NR5A2: variants seen among roughly 807,000 people sequenced by gnomAD.
The protein encoded by NR5A2 is nuclear receptor subfamily 5 group A member 2, also known as CYP7A promoter-binding factor.
NR5A2 carries 26 observed loss-of-function variants against 62.7 expected under a neutral mutation model. The observed-to-expected ratio is 0.41, with a 90% CI of 0.30 to 0.58. The LOEUF is 0.58. Among genes scored for constraint, NR5A2 ranks in the 20% least tolerant of loss-of-function variants. The pLI is 0.22. For synonymous variants in NR5A2, 246 were observed against 241.7 expected, an observed-to-expected ratio of 1.02 and a Z score of -0.16; for missense variants, 541 against 669.1, an observed-to-expected ratio of 0.81 and a Z score of 2.11.
intron 7 of NR5A2, among the ~76,000 whole-genome samples, chr1:200,161,452 T>A (rs1316726579): frequency 6.6e-6 from 1 of 152,200 alleles, no homozygotes; most frequent in Non-Finnish European, 1.5e-5. Context: ...TCCCTAAGAA[T>A]TCTAGAATGC....
rs147866290 is a variant in NR5A2, at chr1:200,093,783, C to T, written c.1111-17419C>T. 2.1e-3 allele frequency among the ~76,000 whole-genome samples: 318 copies of T among 152,230 alleles called. 1 individual carries two copies. The highest frequency in any genetic ancestry group is 6.8e-3 in the African/African-American group (284 of 41,532). On this transcript the variant is annotated intron_variant, in intron 5 of 7. Coordinates refer to ENST00000367362, the MANE Select transcript of NR5A2 (RefSeq NM_205860.3). ...TTGCCTCGAGGAAGAGTTTGAAGCTCGAGTCTGAGGCAAGTATCTAGCCCA... is the reference window on the plus strand; with the variant it reads ...TTGCCTCGAGGAAGAGTTTGAAGCTTGAGTCTGAGGCAAGTATCTAGCCCA...
rs541577435 is a variant in NR5A2 at position 200,084,537 on chromosome 1, G to A, written c.1111-26665G>A. On this transcript the variant is annotated intron_variant, in intron 5 of 7. Transcript: ENST00000367362. ...GGTGTAAATCATCTGAATAAACAATGGATTTTCACACTTACTAGAATCTCT... is the reference window on the plus strand; with the variant it reads ...GGTGTAAATCATCTGAATAAACAATAGATTTTCACACTTACTAGAATCTCT... Among the ~76,000 whole-genome samples, 13 of 152,146 alleles carry A rather than the reference G, an allele frequency of 8.5e-5. No homozygotes were observed. In the South Asian group the frequency reaches 2.7e-3, roughly 32 times the overall value.
intron 2 of NR5A2, among the ~76,000 whole-genome samples, chr1:200,042,479 C>CT (rs1662149431): frequency 6.6e-6 from 1 of 152,230 alleles, no homozygotes; most frequent in African/African-American, 2.4e-5. Flanking sequence ...TTTCTCTTTC[C>CT]TTTTTGGTAA....
At chr1:200,117,237 A>C (rs1666260268) in intron 6 of NR5A2, among the ~76,000 whole-genome samples, 2 of 152,254 alleles carry the variant, frequency 1.3e-5, no homozygotes, top group African/African-American at 4.8e-5. Context: ...CAAACTCTGC[A>C]TTCAACAATG....
intron 5 of NR5A2, among the ~76,000 whole-genome samples, chr1:200,071,609 A>G (rs1663741520): frequency 6.6e-6 from 1 of 152,226 alleles, no homozygotes; most frequent in African/African-American, 2.4e-5. Context: ...TCAGGTTTAG[A>G]GCAGAGAGGT....
At chr1:200,142,188 C>CTTTT (rs535827114) in intron 7 of NR5A2, among the ~76,000 whole-genome samples, 1 of 55,418 alleles carries the variant, frequency 1.8e-5, no homozygotes, top group African/African-American at 6.5e-5. Context: ...TTAAAGACTT[C>CTTTT]TTTTTTTTTT....
At chr1:200,055,810 C>T (rs756354861) in intron 5 of NR5A2, among the ~76,000 whole-genome samples, 59 of 152,174 alleles carry the variant, frequency 3.9e-4, no homozygotes, top group Non-Finnish European at 7.5e-4. Context: ...AATTTGATCT[C>T]AAGGCACATT....
At chr1:200,170,703 A>G (rs558652821) in intron 7 of NR5A2, among the ~76,000 whole-genome samples, 1 of 152,212 alleles carries the variant, frequency 6.6e-6, no homozygotes, top group South Asian at 2.1e-4. Flanking sequence ...TTAACACAAA[A>G]CTGACCAGTG....
At chr1:200,149,907 T>A (rs1364793165) in intron 7 of NR5A2, among the ~76,000 whole-genome samples, 1 of 152,236 alleles carries the variant, frequency 6.6e-6, no homozygotes, top group Non-Finnish European at 1.5e-5. Flanking sequence ...AGATATTTGC[T>A]TGAATCCCCT....
intron 7 of NR5A2, among the ~76,000 whole-genome samples, chr1:200,121,325 G>A (rs1363850661): frequency 6.6e-6 from 1 of 152,154 alleles, no homozygotes; most frequent in African/African-American, 2.4e-5. Context: ...TAATTTCTAT[G>A]TGCCTTTCGT....
At chr1:200,042,669 CG>C (rs1662161633) in intron 2 of NR5A2, among the ~76,000 whole-genome samples, 1 of 152,200 alleles carries the variant, frequency 6.6e-6, no homozygotes, top group Admixed American at 6.5e-5. Flanking sequence ...GAAGAGTGCC[CG>C]GGGGAGTGCG....
chr1:200,156,236 G>A (rs528464711), intron 7 of NR5A2, among the ~76,000 whole-genome samples: 2 of 152,346 alleles, frequency 1.3e-5, no homozygotes, highest in African/African-American at 4.8e-5. Context: ...GGGGGCATAG[G>A]AGTGGCACCC....
At chr1:200,037,650 A>T (rs1025696679) in intron 1 of NR5A2, among the ~76,000 whole-genome samples, 10 of 152,238 alleles carry the variant, frequency 6.6e-5, no homozygotes, top group African/African-American at 2.2e-4. Context: ...TGATACTATC[A>T]CAAAAATTGG....
chr1:200,070,604 G>T (rs1663694218), intron 5 of NR5A2, among the ~76,000 whole-genome samples: 1 of 151,496 alleles, frequency 6.6e-6, no homozygotes, highest in Non-Finnish European at 1.5e-5. Flanking sequence ...CGCTTGAGCT[G>T]AGGAGGTCCA....
intron 5 of NR5A2, among the ~76,000 whole-genome samples, chr1:200,076,495 T>A (rs1255596941): frequency 6.6e-6 from 1 of 152,158 alleles, no homozygotes; most frequent in East Asian, 1.9e-4. Context: ...CGTATCTTAT[T>A]TGTTTTAAAT....
chr1:200,148,494 T>TC (rs1002924059), intron 7 of NR5A2, among the ~76,000 whole-genome samples: 4 of 151,648 alleles, frequency 2.6e-5, no homozygotes, highest in African/African-American at 7.3e-5. Flanking sequence ...TCGCCCACTC[T>TC]CCCCCCAATA....
At chr1:200,053,555 C>G (rs892380999) in intron 5 of NR5A2, among the ~76,000 whole-genome samples, 3 of 134,484 alleles carry the variant, frequency 2.2e-5, no homozygotes, top group Non-Finnish European at 4.6e-5. Context: ...CCTCATCCCC[C>G]CCAGCATGCA....
intron 7 of NR5A2, among the ~76,000 whole-genome samples, chr1:200,158,400 G>T (rs1365763824): frequency 6.6e-6 from 1 of 152,092 alleles, no homozygotes; most frequent in Non-Finnish European, 1.5e-5. Context: ...TAAATATAAA[G>T]TATTATTCTC....
intron 5 of NR5A2, among the ~76,000 whole-genome samples, chr1:200,078,520 A>G (rs1271256692): frequency 1.3e-5 from 2 of 152,248 alleles, no homozygotes; most frequent in East Asian, 3.8e-4. Flanking sequence ...AGAACAACTG[A>G]GGAAAATCAT....
Sources: gnomAD v4.1 joint callset for allele counts (sites outside exome capture counted in the v4.1 genomes callset) on GRCh38, gnomAD v4.1.1 for gene constraint, MANE v1.5 for transcripts, NCBI Gene and HGNC (gene_info 2026-07-23, HGNC 2026-07-21) for gene names.